Variants in ZNF783 observed in about 807,000 individuals in gnomAD.
ZNF783 encodes the protein protein ZNF783.
ZNF783 carries 25 observed loss-of-function variants against 31.3 expected under a neutral mutation model. The ratio of observed to expected loss-of-function variants is 0.80; its 90% CI spans 0.58 to 1.11. The LOEUF is 1.11. ZNF783 is among the 50% of genes most tolerant of loss of function. The pLI, the probability that ZNF783 is intolerant of heterozygous loss-of-function variation, is 0.00. For missense variants in ZNF783, 797 were observed against 760.0 expected, an observed-to-expected ratio of 1.05 and a Z score of -0.57; for synonymous variants, 369 against 319.1, an observed-to-expected ratio of 1.16 and a Z score of -1.66.
intron 4 of ZNF783, among the ~76,000 whole-genome samples, chr7:149,268,631 C>CT (rs1160472336): frequency 6.6e-6 from 1 of 152,168 alleles, no homozygotes; most frequent in African/African-American, 2.4e-5. Context: ...TCCACAGTGT[C>CT]TATTTTTGCC....
In ZNF783 at chr7:149,266,553, C is replaced by T. The variant is rs751201342; in HGVS notation, c.243C>T (p.Cys81=). 8.7e-6 allele frequency: 14 copies of T among 1,614,030 alleles called. No individual in the cohort carries two copies. The highest frequency in any genetic ancestry group is 4.4e-5 in the South Asian group (4 of 91,080). The part of the protein sequence containing the change: ...TGTAEKKLAD[C]EKTAVEFGNQ... ...CAGCCGAGAAGAAGCTGGCCGACTGCGAGAAGACAGCTGTGGAGTTCGGGA... is the reference window on the plus strand; with the variant it reads ...CAGCCGAGAAGAAGCTGGCCGACTGTGAGAAGACAGCTGTGGAGTTCGGGA... Residue 81 remains cysteine (C), a synonymous_variant, in exon 2 of 6, where the codon TGC becomes TGT. Coordinates refer to ENST00000434415, the MANE Select transcript of ZNF783 (RefSeq NM_001195220.2).
chr7:149,280,562 C>G lies in ZNF783; in HGVS notation c.803-943C>G, dbSNP rs142451662. ...CTTCCTGGTCTTTCCCCATCGTGGTCTGGTCTGGCCTGGCTGGAAAGGCAC... is the reference window on the plus strand; with the variant it reads ...CTTCCTGGTCTTTCCCCATCGTGGTGTGGTCTGGCCTGGCTGGAAAGGCAC... On this transcript the variant is annotated intron_variant, in intron 5 of 5. Coordinates refer to ENST00000434415, the MANE Select transcript of ZNF783 (RefSeq NM_001195220.2). Among the ~76,000 whole-genome samples the G allele has an allele frequency of 8.4e-3, 1,277 of 152,286 alleles. 15 individuals are homozygous for G. Among genetic ancestry groups the G allele is most frequent in the Admixed American group, 0.03 (465 of 15,308 alleles).
In ZNF783 at chr7:149,282,316, C is replaced by T; in HGVS notation, c.1614C>T (p.Pro538=). The part of the protein sequence containing the change: ...APARHGSLPL[P]WPSRKEEG ...CCCGCCACGGGAGCCTGCCCCTGCCCTGGCCCAGCCGGAAGGAGGAGGGCT... is the reference window on the plus strand; with the variant it reads ...CCCGCCACGGGAGCCTGCCCCTGCCTTGGCCCAGCCGGAAGGAGGAGGGCT... Residue 538 remains proline (P), a synonymous_variant, in exon 6 of 6, where the codon CCC becomes CCT. Coordinates refer to ENST00000434415, the MANE Select transcript of ZNF783 (RefSeq NM_001195220.2). The T allele has an allele frequency of 2.6e-6, 4 of 1,546,680 alleles. No individual in the cohort carries two copies. The highest frequency in any genetic ancestry group is 3.5e-6 in the Non-Finnish European group (4 of 1,153,950).
In ZNF783 at chr7:149,266,534, A is replaced by C. The variant is rs1331758902; in HGVS notation, c.224A>C (p.Glu75Ala). The C allele has an allele frequency of 1.2e-6, 2 of 1,614,100 alleles. No individual in the cohort carries two copies. Among genetic ancestry groups the C allele is most frequent in the Admixed American group, 1.7e-5 (1 of 60,008 alleles). Residue 75 changes from glutamate (E) to alanine (A), a missense_variant, in exon 2 of 6, where the codon GAG becomes GCG. By Grantham distance (107) the Glu-to-Ala change is moderately radical. Transcript: ENST00000434415. ...LTLEGRTGTA[E>A]KKLADCEKTA... ...CTGGAGGGGCGCACGGGGACAGCCG[A>C]GAAGAAGCTGGCCGACTGCGAGAAG... is the stretch of plus-strand genomic sequence containing the variant.
At chr7:149,263,206 C>T (rs1054888755) in intron 1 of ZNF783, among the ~76,000 whole-genome samples, 2 of 151,192 alleles carry the variant, frequency 1.3e-5, no homozygotes, top group Middle Eastern at 3.4e-3. Flanking sequence ...GGATTACAGA[C>T]GAGAGCTACC....
At chr7:149,263,302 G>A (rs201690735) in intron 1 of ZNF783, among the ~76,000 whole-genome samples, 4,841 of 62,596 alleles carry the variant, frequency 0.077, 168 homozygotes, top group African/African-American at 0.16. Flanking sequence ...GTGTGTGTGT[G>A]TGTATATATA....
chr7:149,280,438 G>T (rs1797439439), intron 5 of ZNF783, among the ~76,000 whole-genome samples: 1 of 152,044 alleles, frequency 6.6e-6, no homozygotes, highest in Non-Finnish European at 1.5e-5. Flanking sequence ...GGGGTTGGGT[G>T]GTGGGACCTG....
chr7:149,268,824 C>T (rs1044776561), intron 4 of ZNF783, among the ~76,000 whole-genome samples: 1 of 152,194 alleles, frequency 6.6e-6, no homozygotes, highest in East Asian at 1.9e-4. Flanking sequence ...ATATGTACCA[C>T]ATTTTCTTTA....
rs1457496802 is a variant in ZNF783 at position 149,284,323 on chromosome 7, G to A, written c.*1980G>A. Reference sequence around the variant, plus strand: ...TTCCAAAGTCTTGAGCAGAGTTGGGGGCCAATGGTAGCATTGCTGTCATCT... The same window carrying A: ...TTCCAAAGTCTTGAGCAGAGTTGGGAGCCAATGGTAGCATTGCTGTCATCT... On this transcript the variant is annotated 3_prime_UTR_variant, in exon 6 of 6. Coordinates refer to ENST00000434415, the MANE Select transcript of ZNF783 (RefSeq NM_001195220.2). The A allele has an allele frequency of 1.3e-5, 2 of 152,278 alleles. No individual in the cohort carries two copies. Among genetic ancestry groups the A allele is most frequent in the Non-Finnish European group, 2.9e-5 (2 of 68,102 alleles). The allele number at this position is 152,278 out of a possible 1,614,324, so 9.4% of individuals were successfully genotyped here. A position where few individuals can be genotyped will look rare whatever the true frequency, so the allele number is the denominator to read the frequency against.
chr7:149,263,769 A>G lies in ZNF783; in HGVS notation c.24+1412A>G, dbSNP rs575775356. 5.3e-5 allele frequency among the ~76,000 whole-genome samples: 8 copies of G among 152,328 alleles called. No homozygotes were observed. The South Asian group carries it at 1.7e-3, about 32-fold the overall frequency. The stretch of plus-strand genomic sequence containing the variant: ...GGCTCAATAGATGATACCTACTATT[A>G]TTAATACACCTCAGTGAAGGTTTTG... On this transcript the variant is annotated intron_variant, in intron 1 of 5. Transcript: ENST00000434415.
intron 5 of ZNF783, among the ~76,000 whole-genome samples, chr7:149,280,750 C>T (rs1797447343): frequency 6.6e-6 from 1 of 152,202 alleles, no homozygotes; most frequent in Non-Finnish European, 1.5e-5. Context: ...GGTGCCAGGA[C>T]CCTCCCTCAC....
chr7:149,266,977 G>T, intron 3 of ZNF783, 32 bp downstream of exon 3: 1 of 1,613,968 alleles, frequency 6.2e-7, no homozygotes, highest in Admixed American at 1.7e-5. Flanking sequence ...CTGGGCCTCT[G>T]TCCACAGGTT....
In ZNF783 at chr7:149,266,319, CTCTTCTT is replaced by C. The variant is rs1797062309; in HGVS notation, c.25-15_25-9del. ...ATAATTCTCATAACATCTCTCTTTT[CTCTTCTT>C]GTGAGCAGGACCCCGAGACAGACAA... On this transcript the variant is annotated splice_polypyrimidine_tract_variant and intron_variant, in intron 1 of 5. Transcript: ENST00000434415. 3.3e-6 allele frequency: 5 copies of C among 1,533,230 alleles called. No individual in the cohort carries two copies. In the East Asian group the frequency reaches 1.1e-4, roughly 35 times the overall value. The allele number at this position is 1,533,230 out of a possible 1,614,324, so 95.0% of individuals were successfully genotyped here.
In ZNF783 at chr7:149,281,957, G is replaced by A. The variant is rs1244296670; in HGVS notation, c.1255G>A (p.Val419Met). Residue 419 changes from valine to methionine, a missense_variant, in exon 6 of 6, where the codon GTG (valine) becomes ATG (methionine). Val to Met is a conservative substitution (Grantham distance 21, BLOSUM62 1). Coordinates refer to ENST00000434415, the MANE Select transcript of ZNF783 (RefSeq NM_001195220.2). ...CGAGGAGCCTGAGGGTCGCCGCTCC[G>A]TGGCAGGGGGCCGTGCCTTGGTGGG... ...LPEEPEGRRS[V>M]AGGRALVGRR... 1.9e-6 allele frequency: 3 copies of A among 1,566,408 alleles called. No individual in the cohort carries two copies. The highest frequency in any genetic ancestry group is 2.3e-5 in the South Asian group (2 of 86,580).
intron 5 of ZNF783, among the ~76,000 whole-genome samples, chr7:149,279,657 T>A (rs28397029): frequency 4.0e-4 from 47 of 118,140 alleles, no homozygotes; most frequent in South Asian, 6.6e-4. Context: ...TTTTTTTTAA[T>A]TTTTTTTTTT....
intron 4 of ZNF783, chr7:149,278,014 G>A (rs1452894960): frequency 6.8e-6 from 2 of 294,604 alleles, no homozygotes; most frequent in South Asian, 5.8e-5. Flanking sequence ...CCTGCCTTGG[G>A]TCCCCTATGC....
rs763941867 is a variant in ZNF783 at position 149,282,176 on chromosome 7, C to A, written c.1474C>A (p.Arg492=). The A allele has an allele frequency of 1.2e-6, 2 of 1,600,978 alleles. No individual in the cohort carries two copies. The highest frequency in any genetic ancestry group is 2.2e-5 in the East Asian group (1 of 44,860). The part of the protein sequence containing the change: ...FRHQRIHTGE[R]PYQCPQCGRT... ...GCACCAGCGCATCCACACCGGTGAG[C>A]GGCCCTACCAGTGCCCCCAGTGTGG... Residue 492 remains arginine (R), a synonymous_variant, in exon 6 of 6, where the codon CGG becomes AGG. Transcript: ENST00000434415.
At chr7:149,262,887 T>G (rs1050420574) in intron 1 of ZNF783, among the ~76,000 whole-genome samples, 5 of 152,250 alleles carry the variant, frequency 3.3e-5, no homozygotes, top group South Asian at 2.1e-4. Flanking sequence ...ACAAGAGAGA[T>G]AGTAGATTTT....
Position 149,278,547 on chromosome 7 carries a change from C to A in ZNF783, c.802+20C>A. 1 of 1,598,898 alleles carries A rather than the reference C, an allele frequency of 6.3e-7. No homozygotes were observed. The highest frequency in any genetic ancestry group is 1.3e-5 in the African/African-American group (1 of 74,994). On this transcript the variant is annotated intron_variant, in intron 5 of 5. Coordinates refer to ENST00000434415, the MANE Select transcript of ZNF783 (RefSeq NM_001195220.2). Reference sequence around the variant, plus strand: ...AAGCAGGTGAGTGAGGACAGTGAGGCGGCAGGATGAACAGTGTCCCGAGGC... The same window carrying A: ...AAGCAGGTGAGTGAGGACAGTGAGGAGGCAGGATGAACAGTGTCCCGAGGC...
Sources: allele counts gnomAD v4.1 joint callset (sites outside exome capture counted in the v4.1 genomes callset), GRCh38; gene constraint gnomAD v4.1.1; transcripts MANE v1.5; gene names NCBI Gene and HGNC (gene_info 2026-07-23, HGNC 2026-07-21).